ANO6: variants seen among roughly 807,000 people sequenced by gnomAD.
ANO6 encodes anoctamin-6.
Under a neutral mutation model 117.5 loss-of-function variants are expected in ANO6, and 106 were observed. That is an observed-to-expected ratio of 0.90 (90% CI 0.77 to 1.06). ANO6 has a LOEUF of 1.06. ANO6 is among the 50% of genes least tolerant of loss of function. ANO6 has a pLI of 0.00. For synonymous variants in ANO6, 367 were observed against 385.1 expected (o/e 0.95, Z 0.55); for missense variants, 955 against 1,121.1 (o/e 0.85, Z 2.12).
intron 1 of ANO6, among the ~76,000 whole-genome samples, chr12:45,242,676 A>G (rs1592860779): frequency 6.6e-6 from 1 of 152,212 alleles, no homozygotes; most frequent in Non-Finnish European, 1.5e-5. Flanking sequence ...GGAGCTGCAT[A>G]CCAGAGCTGT....
intron 1 of ANO6, among the ~76,000 whole-genome samples, chr12:45,227,442 C>A (rs773176403): frequency 6.6e-6 from 1 of 152,050 alleles, no homozygotes. Context: ...TGTGCCATGT[C>A]CCCTAGAATT....
chr12:45,342,408 C>A (rs1261573395), intron 3 of ANO6, among the ~76,000 whole-genome samples: 2 of 152,184 alleles, frequency 1.3e-5, no homozygotes, highest in Non-Finnish European at 2.9e-5. Flanking sequence ...GCTGTCTAAG[C>A]CTCATTCCTT....
At chr12:45,255,816 GT>G (rs1473326600) in intron 1 of ANO6, among the ~76,000 whole-genome samples, 1 of 100,258 alleles carries the variant, frequency 1.0e-5, no homozygotes, top group Non-Finnish European at 1.8e-5. Flanking sequence ...TTCTCCCTGG[GT>G]GTTTTTTTTT....
intron 6 of ANO6, 27 bp from the exon 7 acceptor site, chr12:45,350,632 G>A: frequency 6.5e-7 from 1 of 1,549,780 alleles, no homozygotes; most frequent in Non-Finnish European, 8.9e-7. Context: ...TGATTATGGT[G>A]CTTACATGTT....
intron 1 of ANO6, among the ~76,000 whole-genome samples, chr12:45,300,433 C>T (rs1939444214): frequency 6.6e-6 from 1 of 152,210 alleles, no homozygotes; most frequent in Non-Finnish European, 1.5e-5. Flanking sequence ...CCCACCTTGG[C>T]CTCCAAAGTG....
chr12:45,361,781 A>G (rs1004887976), intron 8 of ANO6, among the ~76,000 whole-genome samples: 1 of 152,146 alleles, frequency 6.6e-6, no homozygotes, highest in South Asian at 2.1e-4. Context: ...TTCTATTAAT[A>G]TGGTATATTA....
At chr12:45,287,778 GCTT>G (rs569490769) in intron 1 of ANO6, among the ~76,000 whole-genome samples, 48 of 152,268 alleles carry the variant, frequency 3.2e-4, no homozygotes, top group Non-Finnish European at 5.9e-4. Context: ...AAACTGGGAT[GCTT>G]CTTGATGTGT....
At chr12:45,219,961 T>A (rs1947371702) in intron 1 of ANO6, among the ~76,000 whole-genome samples, 1 of 152,202 alleles carries the variant, frequency 6.6e-6, no homozygotes, top group Admixed American at 6.5e-5. Flanking sequence ...GGAGTTAGGT[T>A]GTGTGCTACC....
chr12:45,226,092 A>G (rs1054688019), intron 1 of ANO6, among the ~76,000 whole-genome samples: 3 of 152,250 alleles, frequency 2.0e-5, no homozygotes, highest in South Asian at 2.1e-4. Flanking sequence ...GTAGATGAGT[A>G]TGTCAACAAT....
intron 1 of ANO6, among the ~76,000 whole-genome samples, chr12:45,290,297 T>G (rs1350248108): frequency 6.6e-6 from 1 of 152,134 alleles, no homozygotes; most frequent in Admixed American, 6.6e-5. Context: ...ATGTTCTCAT[T>G]CCTTCTAGGC....
At chr12:45,378,807 G>A (rs947745509) in intron 10 of ANO6, among the ~76,000 whole-genome samples, 1 of 152,118 alleles carries the variant, frequency 6.6e-6, no homozygotes, top group Non-Finnish European at 1.5e-5. Flanking sequence ...CAGTGATTAT[G>A]GGTGAGCTTT....
intron 1 of ANO6, among the ~76,000 whole-genome samples, chr12:45,241,000 A>G (rs912346592): frequency 6.6e-6 from 1 of 151,896 alleles, no homozygotes; most frequent in African/African-American, 2.4e-5. Context: ...CTTCATTTCA[A>G]CCTTGGTGAA....
At chr12:45,333,050 T>C (rs939231792) in intron 3 of ANO6, among the ~76,000 whole-genome samples, 1 of 152,038 alleles carries the variant, frequency 6.6e-6, no homozygotes, top group African/African-American at 2.4e-5. Flanking sequence ...TTTTTTCTTA[T>C]TAATACATAA....
chr12:45,292,272 G>C (rs1939126979), intron 1 of ANO6, among the ~76,000 whole-genome samples: 1 of 152,108 alleles, frequency 6.6e-6, no homozygotes, highest in Non-Finnish European at 1.5e-5. Flanking sequence ...CAAATTCATA[G>C]AGATAGAAAA....
intron 2 of ANO6, among the ~76,000 whole-genome samples, chr12:45,310,472 A>G (rs1939812955): frequency 6.6e-6 from 1 of 152,044 alleles, no homozygotes; most frequent in African/African-American, 2.4e-5. Context: ...TTGATTTTTG[A>G]GTTATGTGAG....
At chr12:45,319,270 A>G (rs1275504137) in intron 2 of ANO6, among the ~76,000 whole-genome samples, 3 of 152,128 alleles carry the variant, frequency 2.0e-5, no homozygotes, top group African/African-American at 7.2e-5. Flanking sequence ...AATAGCTCTT[A>G]TCATTTTGAG....
intron 1 of ANO6, among the ~76,000 whole-genome samples, chr12:45,274,193 G>T (rs970871591): frequency 2.6e-5 from 4 of 152,020 alleles, no homozygotes; most frequent in African/African-American, 9.7e-5. Context: ...CATTTGCAAG[G>T]CCCTGAATGC....
intron 8 of ANO6, among the ~76,000 whole-genome samples, chr12:45,363,461 G>A (rs946970065): frequency 6.6e-6 from 1 of 152,008 alleles, no homozygotes; most frequent in Admixed American, 6.5e-5. Context: ...CTACTTGGGA[G>A]GCTGAGGCAG....
intron 1 of ANO6, among the ~76,000 whole-genome samples, chr12:45,264,734 CA>C (rs766833507): frequency 4.6e-5 from 7 of 151,910 alleles, no homozygotes; most frequent in Admixed American, 2.6e-4. Flanking sequence ...ATCAAATATA[CA>C]AAAAAAGTTA....
Sources: allele counts gnomAD v4.1 joint callset (sites outside exome capture counted in the v4.1 genomes callset), GRCh38; gene constraint gnomAD v4.1.1; transcripts MANE v1.5; gene names NCBI Gene and HGNC (gene_info 2026-07-23, HGNC 2026-07-21).